The following BRD10 variants were observed in gnomAD, a reference collection of about 807,000 sequenced individuals.
BRD10 encodes uncharacterized bromodomain-containing protein 10.
chr9:5,906,672 T>C, the BRD10 span, among the ~76,000 whole-genome samples: 3 of 152,250 alleles, frequency 2.0e-5, no homozygotes, highest in African/African-American at 4.8e-5. Flanking sequence ...TTCTAGTTAA[T>C]TCCCACAGCA....
the BRD10 span, among the ~76,000 whole-genome samples, chr9:5,993,347 A>G: frequency 6.6e-6 from 1 of 151,442 alleles, no homozygotes; most frequent in African/African-American, 2.4e-5. Context: ...CAACTAAATG[A>G]AGAGTTTCAA....
At chr9:5,945,578 A>T in the BRD10 span, among the ~76,000 whole-genome samples, 1 of 152,096 alleles carries the variant, frequency 6.6e-6, no homozygotes, top group East Asian at 1.9e-4. Flanking sequence ...TGTGTGGCTC[A>T]TTTCATTTCA....
the BRD10 span, among the ~76,000 whole-genome samples, chr9:5,901,087 C>T: frequency 8.6e-5 from 13 of 151,216 alleles, no homozygotes; most frequent in African/African-American, 2.7e-4. Flanking sequence ...GGCAGTGAAC[C>T]GGTAGAGTGG....
chr9:6,006,513 G>A, the BRD10 span, among the ~76,000 whole-genome samples: 1 of 152,146 alleles, frequency 6.6e-6, no homozygotes, highest in African/African-American at 2.4e-5. Context: ...TTGGATATAT[G>A]GGTGGCGGAT....
At chr9:5,920,350 T>C in the BRD10 span, 16 of 1,613,370 alleles carry the variant, frequency 9.9e-6, no homozygotes, top group South Asian at 1.2e-4. Context: ...GTGCCAAAGG[T>C]GTACTGGTAT....
the BRD10 span, among the ~76,000 whole-genome samples, chr9:5,887,420 C>T: frequency 6.6e-6 from 1 of 152,192 alleles, no homozygotes; most frequent in Non-Finnish European, 1.5e-5. Flanking sequence ...AGGGCACACT[C>T]AATCCCCAAG....
At chr9:5,943,853 T>A in the BRD10 span, among the ~76,000 whole-genome samples, 1 of 152,190 alleles carries the variant, frequency 6.6e-6, no homozygotes, top group Non-Finnish European at 1.5e-5. Flanking sequence ...CTCAGGGTTA[T>A]CTGTCACACA....
At chr9:5,962,239 C>T in the BRD10 span, among the ~76,000 whole-genome samples, 1 of 148,728 alleles carries the variant, frequency 6.7e-6, no homozygotes, top group African/African-American at 2.5e-5. Context: ...ACCACCGATC[C>T]CACAGAAATA....
the BRD10 span, chr9:5,922,338 A>T: frequency 4.3e-6 from 7 of 1,613,974 alleles, no homozygotes; most frequent in Middle Eastern, 6.6e-4. Context: ...GGCAAGGAGA[A>T]TGTGGCTGCT....
the BRD10 span, chr9:5,922,536 C>T: frequency 6.2e-7 from 1 of 1,613,974 alleles, no homozygotes; most frequent in African/African-American, 1.3e-5. Flanking sequence ...GGTGAGTTGA[C>T]AAAAACTGAT....
At chr9:5,948,332 A>G in the BRD10 span, among the ~76,000 whole-genome samples, 3 of 152,194 alleles carry the variant, frequency 2.0e-5, no homozygotes, top group Non-Finnish European at 4.4e-5. Flanking sequence ...GGGTCTTTAT[A>G]ACAACACAAA....
chr9:5,997,216 C>G, the BRD10 span, among the ~76,000 whole-genome samples: 1 of 152,202 alleles, frequency 6.6e-6, no homozygotes, highest in East Asian at 1.9e-4. Flanking sequence ...TAGCAAGTGG[C>G]TATTACAGTG....
At chr9:5,965,265 A>G in the BRD10 span, among the ~76,000 whole-genome samples, 1 of 152,064 alleles carries the variant, frequency 6.6e-6, no homozygotes, top group African/African-American at 2.4e-5. Context: ...TCTACAGAAT[A>G]CACAGGTTAT....
At chr9:5,934,400 C>T in the BRD10 span, among the ~76,000 whole-genome samples, 1 of 142,870 alleles carries the variant, frequency 7.0e-6, no homozygotes, top group South Asian at 2.3e-4. Flanking sequence ...GCTCTGTTGC[C>T]CAGGCTGGAG....
At chr9:5,911,405 G>GGT in the BRD10 span, among the ~76,000 whole-genome samples, 1 of 103,586 alleles carries the variant, frequency 9.7e-6, no homozygotes, top group East Asian at 3.3e-4. Context: ...GTCTATGTGT[G>GGT]TTTTTTTTTT....
the BRD10 span, chr9:5,922,058 G>A: frequency 6.2e-7 from 1 of 1,614,018 alleles, no homozygotes; most frequent in Non-Finnish European, 8.5e-7. Flanking sequence ...AGGAGCAAAA[G>A]TGAAAACTGA....
At chr9:5,995,121 G>A in the BRD10 span, among the ~76,000 whole-genome samples, 46 of 152,124 alleles carry the variant, frequency 3.0e-4, no homozygotes, top group African/African-American at 1.0e-3. Context: ...GGCTGGTCTC[G>A]AACTCCTGAC....
At chr9:5,969,580 G>C in the BRD10 span, 1 of 640,224 alleles carries the variant, frequency 1.6e-6, no homozygotes, top group South Asian at 2.4e-5. Context: ...GTCTCGCTCT[G>C]TCCCCCAGGC....
At chr9:5,888,516 C>T in the BRD10 span, among the ~76,000 whole-genome samples, 3 of 152,126 alleles carry the variant, frequency 2.0e-5, no homozygotes, top group Non-Finnish European at 4.4e-5. Flanking sequence ...TTTTCTTATT[C>T]GAGTTCAAAA....
Sources: allele counts gnomAD v4.1 joint callset (sites outside exome capture counted in the v4.1 genomes callset), GRCh38; gene constraint gnomAD v4.1.1; transcripts MANE v1.5; gene names NCBI Gene and HGNC (gene_info 2026-07-23, HGNC 2026-07-21).